Variants in STX6 observed in about 807,000 individuals in gnomAD.
The protein encoded by STX6 is syntaxin-6.
A neutral mutation model predicts 38.0 loss-of-function variants in STX6; 23 were observed. The observed-to-expected ratio is 0.60, with a 90% CI of 0.43 to 0.86. The LOEUF is 0.86. Ranked by LOEUF, STX6 falls within the 40% of genes least tolerant of loss-of-function variation. The pLI, the probability that STX6 is intolerant of heterozygous loss-of-function variation, is 0.00. For synonymous variants in STX6, 123 were observed against 107.5 expected (o/e 1.14, Z -0.89); for missense variants, 274 against 312.9 (o/e 0.88, Z 0.94).
chr1:181,019,220 T>C (rs1656655887), intron 1 of STX6, among the ~76,000 whole-genome samples: 1 of 152,156 alleles, frequency 6.6e-6, no homozygotes, highest in Admixed American at 6.5e-5. Flanking sequence ...TAACACACAT[T>C]GCCCAACTTA....
At chr1:180,984,604 C>A in intron 7 of STX6, 73 bp downstream of exon 7, 1 of 629,654 alleles carries the variant, frequency 1.6e-6, no homozygotes, top group Non-Finnish European at 2.9e-6. Flanking sequence ...ATGGGCATAA[C>A]TATGAGACAA....
intron 3 of STX6, among the ~76,000 whole-genome samples, chr1:180,995,271 T>A (rs905516372): frequency 6.6e-6 from 1 of 152,134 alleles, no homozygotes; most frequent in African/African-American, 2.4e-5. Context: ...TAAAAATATT[T>A]TTTAAATGTA....
chr1:181,022,241 T>C (rs1020980839), intron 1 of STX6, among the ~76,000 whole-genome samples: 1 of 152,112 alleles, frequency 6.6e-6, no homozygotes, highest in Non-Finnish European at 1.5e-5. Flanking sequence ...AGGAGGGCCA[T>C]TTCCCTTTTC....
Position 181,022,833 on chromosome 1 carries a change from C to A in STX6, c.-160G>T, listed in dbSNP as rs946191074. 8.1e-5 allele frequency: 54 copies of A among 669,036 alleles called. No individual in the cohort carries two copies. The highest frequency in any genetic ancestry group is 1.1e-4 in the Non-Finnish European group (45 of 397,182). The allele number at this position is 669,036 out of a possible 1,614,324, so 41.4% of individuals were successfully genotyped here. On this transcript the variant is annotated 5_prime_UTR_variant, in exon 1 of 8. Coordinates refer to ENST00000258301, the MANE Select transcript of STX6 (RefSeq NM_005819.6). Reference sequence around the variant, plus strand: ...GCACAGGCCAGGTGCACAGGACGGCCGCTGGTCCAGCACTCGCTCAGCACC... The same window carrying A: ...GCACAGGCCAGGTGCACAGGACGGCAGCTGGTCCAGCACTCGCTCAGCACC...
chr1:181,004,017 T>A (rs1656155812), intron 2 of STX6, among the ~76,000 whole-genome samples: 1 of 152,242 alleles, frequency 6.6e-6, no homozygotes, highest in Non-Finnish European at 1.5e-5. Flanking sequence ...AACACTGGCC[T>A]GTATGGACCT....
intron 3 of STX6, among the ~76,000 whole-genome samples, chr1:181,001,769 A>G (rs1056632089): frequency 6.6e-6 from 1 of 152,288 alleles, no homozygotes; most frequent in Non-Finnish European, 1.5e-5. Flanking sequence ...AGTGAGAAAG[A>G]TAACTAGCTT....
At position 180,984,091 on chromosome 1, in the gene STX6, C is replaced by CAAA. The variant is rs1655499348; in HGVS notation, c.691+585_691+586insTTT. 1.2e-4 allele frequency among the ~76,000 whole-genome samples: 7 copies of CAAA among 56,598 alleles called. 1 individual carries two copies. Among genetic ancestry groups the CAAA allele is most frequent in the East Asian group, 6.1e-4 (1 of 1,636 alleles). The allele number at this position is 56,598 out of a possible 152,430, so 37.1% of individuals were successfully genotyped here. Reference sequence around the variant, plus strand: ...AAAAAAAAAAAAAAAAAAAAAAAAACACAACGAAAGTGACTCTACTGGGAA... The same window carrying CAAA: ...AAAAAAAAAAAAAAAAAAAAAAAAACAAAACAACGAAAGTGACTCTACTGGGAA... On this transcript the variant is annotated intron_variant, in intron 7 of 7. Coordinates refer to ENST00000258301, the MANE Select transcript of STX6 (RefSeq NM_005819.6).
At chr1:181,014,353 C>T (rs900129338) in intron 1 of STX6, among the ~76,000 whole-genome samples, 15 of 151,170 alleles carry the variant, frequency 9.9e-5, no homozygotes, top group Non-Finnish European at 2.1e-4. Flanking sequence ...GAGATTGCAC[C>T]ACTGCACTCC....
intron 1 of STX6, among the ~76,000 whole-genome samples, chr1:181,018,499 A>G (rs1368321765): frequency 6.7e-6 from 1 of 150,318 alleles, no homozygotes; most frequent in African/African-American, 2.4e-5. Context: ...TATATTTGTA[A>G]TAAATATATA....
At chr1:181,001,832 G>A (rs1195579583) in intron 3 of STX6, among the ~76,000 whole-genome samples, 1 of 152,256 alleles carries the variant, frequency 6.6e-6, no homozygotes, top group Non-Finnish European at 1.5e-5. Context: ...GACACCATTT[G>A]AATGTACCCT....
At chr1:181,000,704 C>G (rs1409335687) in intron 3 of STX6, among the ~76,000 whole-genome samples, 2 of 152,026 alleles carry the variant, frequency 1.3e-5, no homozygotes, top group African/African-American at 4.8e-5. Context: ...TTCCATTATA[C>G]CAATGAACTT....
rs144533883 is a variant in STX6 at position 180,976,919 on chromosome 1, G to T, written c.692-273C>A. Among the ~76,000 whole-genome samples, 54 of 152,338 alleles carry T rather than the reference G, an allele frequency of 3.5e-4. No individual in the cohort carries two copies. In the Middle Eastern group the frequency reaches 0.01, roughly 29 times the overall value. ...CTCAAGTCTTTAATTAAAATCTGCG[G>T]ATCTTAGCTTTCTGCTGGTAGTTAG... On this transcript the variant is annotated intron_variant, in intron 7 of 7. Transcript: ENST00000258301.
intron 6 of STX6, among the ~76,000 whole-genome samples, chr1:180,987,340 A>C (rs1399421527): frequency 6.6e-6 from 1 of 152,192 alleles, no homozygotes; most frequent in Non-Finnish European, 1.5e-5. Flanking sequence ...GGCAGCATGC[A>C]CTGGCCCCAT....
chr1:180,990,048 C>A lies in STX6; in HGVS notation c.425G>T (p.Arg142Leu). The A allele has an allele frequency of 6.2e-7, 1 of 1,614,122 alleles. No homozygotes were observed. The highest frequency in any genetic ancestry group is 8.5e-7 in the Non-Finnish European group (1 of 1,179,994). The part of the protein sequence containing the change: ...WSTGTTDKYG[R>L]LDRELQRANS... The stretch of plus-strand genomic sequence containing the variant: ...GGCTCTCTGGAGCTCTCGGTCCAGA[C>A]GCCCATATTTATCTGTTGTTCCAGT... Residue 142 changes from arginine to leucine, a missense_variant, in exon 5 of 8, where the codon CGT (arginine) becomes CTT (leucine). By Grantham distance (102) the Arg-to-Leu change is moderately radical. Transcript: ENST00000258301.
At chr1:181,008,234 G>C (rs1424135538) in intron 1 of STX6, among the ~76,000 whole-genome samples, 1 of 152,192 alleles carries the variant, frequency 6.6e-6, no homozygotes, top group Non-Finnish European at 1.5e-5. Context: ...ATGGGAAGGA[G>C]TATCTCAGTC....
chr1:181,003,516 C>T (rs1656142589), intron 2 of STX6, among the ~76,000 whole-genome samples: 1 of 152,142 alleles, frequency 6.6e-6, no homozygotes, highest in African/African-American at 2.4e-5. Context: ...TGCTTTTGAT[C>T]CTGCCCCCTC....
At chr1:180,988,096 C>T in intron 6 of STX6, 143 bp downstream of exon 6, 1 of 580,998 alleles carries the variant, frequency 1.7e-6, no homozygotes, top group Non-Finnish European at 3.1e-6. Context: ...GGAGGCTAAT[C>T]TGTAAAACAG....
At chr1:181,015,488 G>C (rs1656529814) in intron 1 of STX6, among the ~76,000 whole-genome samples, 1 of 151,958 alleles carries the variant, frequency 6.6e-6, no homozygotes, top group Non-Finnish European at 1.5e-5. Context: ...TCCAATCACT[G>C]AATTTTCAGA....
At chr1:181,005,169 C>T in intron 2 of STX6, 125 bp downstream of exon 2, 7 of 1,496,904 alleles carry the variant, frequency 4.7e-6, no homozygotes, top group Non-Finnish European at 6.2e-6. Context: ...TGTCATGGTA[C>T]AAGTAAGAGC....
Sources: allele counts gnomAD v4.1 joint callset (sites outside exome capture counted in the v4.1 genomes callset), GRCh38; gene constraint gnomAD v4.1.1; transcripts MANE v1.5; gene names NCBI Gene and HGNC (gene_info 2026-07-23, HGNC 2026-07-21).